MROH1: variants seen among roughly 807,000 people sequenced by gnomAD.
MROH1 encodes the protein maestro heat-like repeat-containing protein family member 1.
In MROH1, 117 loss-of-function variants were observed where a neutral mutation model predicts 116.5. The ratio of observed to expected loss-of-function variants is 1.00; its 90% CI spans 0.86 to 1.17. MROH1 has a LOEUF of 1.17. MROH1 is among the 50% of genes most tolerant of loss of function. MROH1 has a pLI of 0.00. For missense variants in MROH1, 1,873 were observed against 1,338.5 expected (o/e 1.40, Z -6.23); for synonymous variants, 921 against 583.9 (o/e 1.58, Z -8.32).
At chr8:144,256,273 A>T (rs1412809500) in intron 35 of MROH1, among the ~76,000 whole-genome samples, 2 of 152,244 alleles carry the variant, frequency 1.3e-5, no homozygotes, top group African/African-American at 2.4e-5. Context: ...CCACGAGCCC[A>T]TGTGAACGCA....
intron 4 of MROH1, among the ~76,000 whole-genome samples, chr8:144,177,068 C>T (rs1479553975): frequency 2.0e-5 from 3 of 152,168 alleles, no homozygotes; most frequent in Admixed American, 6.5e-5. Context: ...GCAGGTTCCA[C>T]GTGAACTTAG....
chr8:144,231,847 G>A (rs1442413720), intron 14 of MROH1, among the ~76,000 whole-genome samples: 3 of 152,212 alleles, frequency 2.0e-5, no homozygotes, highest in Non-Finnish European at 2.9e-5. Context: ...ACAGTAAAGC[G>A]AAGCCCAGTG....
chr8:144,185,407 A>G (rs576619329), intron 7 of MROH1, among the ~76,000 whole-genome samples: 5 of 151,908 alleles, frequency 3.3e-5, no homozygotes, highest in African/African-American at 1.2e-4. Flanking sequence ...AGTTCTTTGA[A>G]ATAAGTGAAT....
chr8:144,231,590 C>T (rs1838900844), intron 14 of MROH1, among the ~76,000 whole-genome samples: 1 of 152,178 alleles, frequency 6.6e-6, no homozygotes, highest in Non-Finnish European at 1.5e-5. Context: ...GTTGATTAAG[C>T]TTGCAGTTTT....
chr8:144,236,253 C>T (rs1840015634), intron 14 of MROH1, among the ~76,000 whole-genome samples: 1 of 152,134 alleles, frequency 6.6e-6, no homozygotes, highest in African/African-American at 2.4e-5. Context: ...CTCATGGAAT[C>T]GTGCATGTCC....
chr8:144,234,730 C>G (rs1839740145), intron 14 of MROH1, among the ~76,000 whole-genome samples: 1 of 148,856 alleles, frequency 6.7e-6, no homozygotes, highest in Non-Finnish European at 1.5e-5. Flanking sequence ...GTTGGCCAGG[C>G]TGGTCTTGAA....
chr8:144,154,138 C>T (rs1056128176), intron 1 of MROH1, among the ~76,000 whole-genome samples: 3 of 152,112 alleles, frequency 2.0e-5, no homozygotes, highest in Non-Finnish European at 4.4e-5. Context: ...GATCTCGGCT[C>T]ACTGTAATCT....
chr8:144,184,798 C>T (rs921958773), intron 7 of MROH1, among the ~76,000 whole-genome samples: 10 of 152,188 alleles, frequency 6.6e-5, no homozygotes, highest in East Asian at 1.9e-4. Flanking sequence ...CCAGGCTCAC[C>T]GGCATCATCA....
intron 7 of MROH1, among the ~76,000 whole-genome samples, chr8:144,181,714 A>AGTGGGT (rs1014654229): frequency 1.3e-5 from 2 of 152,216 alleles, no homozygotes; most frequent in South Asian, 2.1e-4. Flanking sequence ...AGAGAGTGGA[A>AGTGGGT]GTGGGTGTGG....
intron 13 of MROH1, among the ~76,000 whole-genome samples, chr8:144,222,506 G>A (rs561727130): frequency 1.3e-5 from 2 of 152,284 alleles, no homozygotes; most frequent in African/African-American, 4.8e-5. Context: ...GCAGGTGCAG[G>A]TGCAGGTACA....
At chr8:144,241,330 C>G in intron 21 of MROH1, 65 bp from the exon 22 acceptor site, 1 of 722,394 alleles carries the variant, frequency 1.4e-6, no homozygotes, top group Admixed American at 2.0e-5. Context: ...CCACACGTGA[C>G]AGTGTGCGTG....
rs1184407101 is a variant in MROH1 at position 144,243,487 on chromosome 8, C to T, written c.2353-7C>T. The T allele has an allele frequency of 5.1e-6, 4 of 779,096 alleles. No individual in the cohort carries two copies. The highest frequency in any genetic ancestry group is 9.6e-6 in the Non-Finnish European group (4 of 417,816). 48.3% of individuals were successfully genotyped at this position (779,096 alleles called of 1,614,324 possible). A position where few individuals can be genotyped will look rare whatever the true frequency, so the allele number is the denominator to read the frequency against. Reference sequence around the variant, plus strand: ...TGGGCGTCTCCTGTAGCCCTGCGTCCCTGCAGGACCCAGCCCTGAAGCTGT... The same window carrying T: ...TGGGCGTCTCCTGTAGCCCTGCGTCTCTGCAGGACCCAGCCCTGAAGCTGT... On this transcript the variant is annotated splice_polypyrimidine_tract_variant and splice_region_variant and intron_variant, in intron 24 of 43. Transcript: ENST00000326134.
At position 144,261,733 on chromosome 8, in the gene MROH1, T is replaced by G; in HGVS notation, c.4919T>G (p.Leu1640Arg). 2 of 714,352 alleles carry G rather than the reference T, an allele frequency of 2.8e-6. No homozygotes were observed. Among genetic ancestry groups the G allele is most frequent in the Non-Finnish European group, 5.1e-6 (2 of 392,352 alleles). The allele number at this position is 714,352 out of a possible 1,614,324, so 44.3% of individuals were successfully genotyped here. Residue 1640 changes from leucine to arginine, a missense_variant, in exon 44 of 44, where the codon CTC (leucine) becomes CGC (arginine). Leu to Arg is a moderately radical substitution (Grantham distance 102). Coordinates refer to ENST00000326134, the MANE Select transcript of MROH1 (RefSeq NM_032450.3). ...GAGGCCCTGGGCCGCCTGGTGAAGC[T>G]CGCCTAAGGCTCCGGCCAGCACCCC... ...AAEALGRLVK[L>R]A is the part of the protein sequence containing the mutation.
intron 4 of MROH1, among the ~76,000 whole-genome samples, chr8:144,168,693 T>C (rs1034996842): frequency 2.0e-5 from 3 of 152,150 alleles, no homozygotes; most frequent in Non-Finnish European, 4.4e-5. Context: ...TTGCTGCCCC[T>C]TTTACTCACT....
rs968540862 is a variant in MROH1 at position 144,240,657 on chromosome 8, G to T, written c.1915G>T (p.Asp639Tyr). Residue 639 changes from aspartate (D) to tyrosine (Y), a missense_variant, in exon 20 of 44, where the codon GAT becomes TAT. Asp to Tyr is a radical substitution (Grantham distance 160). Coordinates refer to ENST00000326134, the MANE Select transcript of MROH1 (RefSeq NM_032450.3). Reference sequence around the variant, plus strand: ...GCTGTGCAGGCAGCTGCCCTGCTACGATGAGGCACCCCAGGAGAAGGTGGG... The same window carrying T: ...GCTGTGCAGGCAGCTGCCCTGCTACTATGAGGCACCCCAGGAGAAGGTGGG... ...LELCRQLPCY[D>Y]EAPQEKNFLY... 18 of 717,242 alleles carry T rather than the reference G, an allele frequency of 2.5e-5. No individual in the cohort carries two copies. Among genetic ancestry groups the T allele is most frequent in the Admixed American group, 1.4e-4 (7 of 50,014 alleles). The allele number at this position is 717,242 out of a possible 1,614,324, so 44.4% of individuals were successfully genotyped here. A position where few individuals can be genotyped will look rare whatever the true frequency, so the allele number is the denominator to read the frequency against.
Position 144,240,977 on chromosome 8 carries a change from C to T in MROH1, c.1936-15C>T, listed in dbSNP as rs1359263170. 3 of 742,108 alleles carry T rather than the reference C, an allele frequency of 4.0e-6. No individual in the cohort carries two copies. The highest frequency in any genetic ancestry group is 7.5e-6 in the Non-Finnish European group (3 of 399,530). The allele number at this position is 742,108 out of a possible 1,614,324, so 46.0% of individuals were successfully genotyped here. ...CAGGAGTCAGGCAGAGCCGTGTTCT[C>T]TGGTTTTGTTTCAGAACTTCCTGTA... On this transcript the variant is annotated splice_polypyrimidine_tract_variant and intron_variant, in intron 20 of 43. Transcript: ENST00000326134.
intron 14 of MROH1, among the ~76,000 whole-genome samples, chr8:144,225,910 G>GTTTTTTTTTTTTTT (rs764956904): frequency 4.6e-5 from 4 of 87,548 alleles, no homozygotes; most frequent in African/African-American, 8.8e-5. Context: ...TTCATTTTTA[G>GTTTTTTTTTTTTTT]TTTTTTTTTT....
intron 1 of MROH1, among the ~76,000 whole-genome samples, chr8:144,156,306 T>C (rs1173095075): frequency 5.3e-5 from 8 of 151,844 alleles, no homozygotes; most frequent in African/African-American, 1.9e-4. Context: ...GGTAGTTCCC[T>C]TCTCTTCTTG....
intron 12 of MROH1, among the ~76,000 whole-genome samples, chr8:144,204,880 G>A (rs1189346556): frequency 1.3e-5 from 2 of 152,210 alleles, no homozygotes; most frequent in African/African-American, 2.4e-5. Flanking sequence ...TGTTTACCTA[G>A]ATGTAGAATT....
Sources: allele counts gnomAD v4.1 joint callset (sites outside exome capture counted in the v4.1 genomes callset), GRCh38; gene constraint gnomAD v4.1.1; transcripts MANE v1.5; gene names NCBI Gene and HGNC (gene_info 2026-07-23, HGNC 2026-07-21).